DDX52: variants seen among roughly 807,000 people sequenced by gnomAD.
The protein encoded by DDX52 is DExD-box helicase 52, also known as probable ATP-dependent RNA helicase DDX52.
In DDX52, 59 loss-of-function variants were observed where a neutral mutation model predicts 76.1. That is an observed-to-expected ratio of 0.78 (90% CI 0.63 to 0.96). DDX52 has a LOEUF of 0.96. DDX52 is among the 40% of genes least tolerant of loss of function. The pLI is 0.00. For missense variants in DDX52, 707 were observed against 703.9 expected, an observed-to-expected ratio of 1.00 and a Z score of -0.05; for synonymous variants, 231 against 244.1, an observed-to-expected ratio of 0.95 and a Z score of 0.50.
At chr17:37,629,360 T>C (rs977436589) in intron 5 of DDX52, among the ~76,000 whole-genome samples, 2 of 151,686 alleles carry the variant, frequency 1.3e-5, no homozygotes, top group African/African-American at 2.4e-5. Flanking sequence ...CACTGTATAC[T>C]TTTCCCTTCT....
intron 5 of DDX52, among the ~76,000 whole-genome samples, chr17:37,629,375 A>G (rs754443359): frequency 3.9e-5 from 6 of 152,042 alleles, no homozygotes; most frequent in Non-Finnish European, 8.8e-5. Flanking sequence ...CCTTCTAAAA[A>G]AAACAAACTG....
chr17:37,635,639 G>C (rs1027659638), intron 2 of DDX52: 9 of 455,504 alleles, frequency 2.0e-5, no homozygotes, highest in African/African-American at 1.2e-4. Flanking sequence ...TCCAGCTTTT[G>C]GCTATAAGCA....
intron 12 of DDX52, chr17:37,620,045 A>G (rs1307186180): frequency 6.3e-6 from 3 of 474,044 alleles, no homozygotes; most frequent in African/African-American, 2.0e-5. Context: ...GCACTGATGA[A>G]TAACTATAGA....
In DDX52 at chr17:37,609,777, T is replaced by TA. The variant is rs1181946385; in HGVS notation, c.*4518_*4519insT. The TA allele has an allele frequency of 6.1e-6, 1 of 164,644 alleles. No individual in the cohort carries two copies. The highest frequency in any genetic ancestry group is 1.3e-5 in the Non-Finnish European group (1 of 76,350). 10.2% of individuals were successfully genotyped at this position (164,644 alleles called of 1,614,324 possible). ...CGGTGGGTACACTGGTGTTCTTTTATTGTTACTCTTTACACACAAAGAACA... is the reference window on the plus strand; with the variant it reads ...CGGTGGGTACACTGGTGTTCTTTTATATGTTACTCTTTACACACAAAGAACA... On this transcript the variant is annotated 3_prime_UTR_variant, in exon 15 of 15. Transcript: ENST00000617633.
intron 6 of DDX52, 109 bp downstream of exon 6, chr17:37,628,452 T>G: frequency 1.1e-6 from 1 of 918,752 alleles, no homozygotes; most frequent in Non-Finnish European, 1.7e-6. Flanking sequence ...AAATTCAAAT[T>G]TTATACATAC....
intron 12 of DDX52, chr17:37,620,571 C>T (rs2030028898): frequency 8.1e-6 from 2 of 247,098 alleles, no homozygotes; most frequent in South Asian, 1.9e-4. Flanking sequence ...TATAGGCAGT[C>T]AAAATGCAGG....
chr17:37,640,758 C>T (rs752440796), intron 2 of DDX52, among the ~76,000 whole-genome samples: 6 of 149,058 alleles, frequency 4.0e-5, no homozygotes, highest in African/African-American at 9.9e-5. Context: ...GAGGTCGAGG[C>T]GGGCAGATCA....
At position 37,642,204 on chromosome 17, in the gene DDX52, T is replaced by G; in HGVS notation, c.192A>C (p.Thr64=). The G allele has an allele frequency of 1.2e-6, 2 of 1,614,204 alleles. No homozygotes were observed. Among genetic ancestry groups the G allele is most frequent in the South Asian group, 1.1e-5 (1 of 91,078 alleles). Residue 64 remains threonine (T), a synonymous_variant, in exon 2 of 15, where the codon ACA becomes ACC. Coordinates refer to ENST00000617633, the MANE Select transcript of DDX52 (RefSeq NM_007010.5). ...TCTCTCCATTTTGGGGCTTCTGATG[T>G]GTTTGTGATGCTCCACACACACCTG... ...SVPGVCGASQ[T]HQKPQNGEKK...
Position 37,642,133 on chromosome 17 carries a change from T to G in DDX52, c.263A>C (p.Lys88Thr). Residue 88 changes from lysine (K) to threonine (T), a missense_variant, in exon 2 of 15, where the codon AAA becomes ACA. Lys to Thr is a moderately conservative substitution (Grantham distance 78). Coordinates refer to ENST00000617633, the MANE Select transcript of DDX52 (RefSeq NM_007010.5). ...LTERKREQSK[K>T]KRKTMTSEIA... is the part of the protein sequence containing the mutation. Reference sequence around the variant, plus strand: ...ACCTGAAGTCATCGTCTTCCTTTTTTTCTTGCTCTGCTCCCTCTTCCTTTC... The same window carrying G: ...ACCTGAAGTCATCGTCTTCCTTTTTGTCTTGCTCTGCTCCCTCTTCCTTTC... 6.2e-7 allele frequency: 1 copy of G among 1,613,786 alleles called. No homozygotes were observed. Among genetic ancestry groups the G allele is most frequent in the Non-Finnish European group, 8.5e-7 (1 of 1,179,958 alleles).
intron 5 of DDX52, among the ~76,000 whole-genome samples, chr17:37,629,262 CACACACACACACACAT>C (rs1163065168): frequency 1.2e-4 from 18 of 148,526 alleles, no homozygotes; most frequent in African/African-American, 4.1e-4. Context: ...CACACACACA[CACACACACACACACAT>C]AGTACTATTA....
At chr17:37,618,027 A>G (rs1291728168) in intron 14 of DDX52, among the ~76,000 whole-genome samples, 1 of 152,122 alleles carries the variant, frequency 6.6e-6, no homozygotes, top group Non-Finnish European at 1.5e-5. Flanking sequence ...AAGCAGTAGA[A>G]TGGCTTGAAC....
Sources: gnomAD v4.1 joint callset for allele counts (sites outside exome capture counted in the v4.1 genomes callset) on GRCh38, gnomAD v4.1.1 for gene constraint, MANE v1.5 for transcripts, NCBI Gene and HGNC (gene_info 2026-07-23, HGNC 2026-07-21) for gene names.